The following CNOT7 variants were observed in gnomAD, a reference collection of about 807,000 sequenced individuals.
CNOT7 encodes BTG1-binding factor 1.
In CNOT7, 4 loss-of-function variants were observed where a neutral mutation model predicts 37.1. The observed-to-expected ratio is 0.11, with a 90% CI of 0.05 to 0.25. The LOEUF is 0.25. Among genes scored for constraint, CNOT7 ranks in the 10% least tolerant of loss-of-function variants. The pLI, the probability that CNOT7 is intolerant of heterozygous loss-of-function variation, is 1.00. For missense variants in CNOT7, 170 were observed against 336.2 expected (o/e 0.51, Z 3.87); for synonymous variants, 128 against 115.6 (o/e 1.11, Z -0.69).
chr8:17,234,619 A>T, intron 5 of CNOT7, 97 bp downstream of exon 5: 1 of 1,294,878 alleles, frequency 7.7e-7, no homozygotes, highest in Non-Finnish European at 1.1e-6. Flanking sequence ...GTAATACTTT[A>T]AAATATGGTT....
chr8:17,240,279 G>A (rs1328762185), intron 3 of CNOT7, among the ~76,000 whole-genome samples: 1 of 151,980 alleles, frequency 6.6e-6, no homozygotes, highest in Non-Finnish European at 1.5e-5. Context: ...GCAGCCAGTG[G>A]GCCACATGTG....
intron 5 of CNOT7, among the ~76,000 whole-genome samples, chr8:17,233,727 G>A (rs903473164): frequency 3.3e-5 from 5 of 152,122 alleles, no homozygotes; most frequent in Non-Finnish European, 2.9e-5. Flanking sequence ...AAATTACACA[G>A]AAGTCTACTG....
chr8:17,228,867 C>T lies in CNOT7; in HGVS notation c.*1853G>A, dbSNP rs1036578619. On this transcript the variant is annotated 3_prime_UTR_variant, in exon 7 of 7. Coordinates refer to ENST00000361272, the MANE Select transcript of CNOT7 (RefSeq NM_013354.7). ...AAATCACAAGCGAAAAGAAGCTTCACTTCCTTTTTAACGAAGACAAAAGAA... is the reference window on the plus strand; with the variant it reads ...AAATCACAAGCGAAAAGAAGCTTCATTTCCTTTTTAACGAAGACAAAAGAA... 2.6e-5 allele frequency: 4 copies of T among 151,978 alleles called. No homozygotes were observed. Among genetic ancestry groups the T allele is most frequent in the African/African-American group, 9.7e-5 (4 of 41,434 alleles). 9.4% of individuals were successfully genotyped at this position (151,978 alleles called of 1,614,324 possible).
rs189309248 is a variant in CNOT7, at chr8:17,226,531, C to T, written c.*4189G>A. 1 of 151,598 alleles carries T rather than the reference C, an allele frequency of 6.6e-6. No individual in the cohort carries two copies. The highest frequency in any genetic ancestry group is 1.9e-4 in the East Asian group (1 of 5,174). 9.4% of individuals were successfully genotyped at this position (151,598 alleles called of 1,614,324 possible). ...AGCATGTCATTCATTCAAGATGATT[C>T]ATTTCCAACAGAAGATTAAGAGGAA... On this transcript the variant is annotated 3_prime_UTR_variant, in exon 7 of 7. Transcript: ENST00000361272.
At chr8:17,241,009 C>T (rs1168456111) in intron 3 of CNOT7, among the ~76,000 whole-genome samples, 2 of 152,128 alleles carry the variant, frequency 1.3e-5, no homozygotes, top group African/African-American at 4.8e-5. Flanking sequence ...CAAAGCCATC[C>T]TGGGCCAAGG....
chr8:17,242,780 C>T (rs1423915902), intron 3 of CNOT7: 1 of 382,670 alleles, frequency 2.6e-6, no homozygotes, highest in Non-Finnish European at 4.6e-6. Context: ...AAGCTGCAGT[C>T]ATATTTTAAA....
intron 6 of CNOT7, among the ~76,000 whole-genome samples, chr8:17,231,162 A>AT (rs1484346093): frequency 6.6e-6 from 1 of 152,146 alleles, no homozygotes; most frequent in African/African-American, 2.4e-5. Context: ...ATACTCAAGA[A>AT]TGAAGAAAGC....
chr8:17,231,928 C>A, intron 6 of CNOT7: 1 of 986,964 alleles, frequency 1.0e-6, no homozygotes, highest in Non-Finnish European at 1.2e-6. Context: ...AGTAAAAGAG[C>A]CTGAGTTCTT....
At chr8:17,231,159 A>G (rs1808550359) in intron 6 of CNOT7, among the ~76,000 whole-genome samples, 2 of 152,144 alleles carry the variant, frequency 1.3e-5, no homozygotes. Flanking sequence ...ACAATACTCA[A>G]GAATGAAGAA....
intron 4 of CNOT7, 102 bp downstream of exon 4, chr8:17,237,110 T>C: frequency 8.6e-7 from 1 of 1,167,294 alleles, no homozygotes; most frequent in Non-Finnish European, 1.2e-6. Context: ...CAGTCAACTC[T>C]TTCCAGAATT....
intron 5 of CNOT7, among the ~76,000 whole-genome samples, chr8:17,233,040 G>T (rs1361285108): frequency 6.6e-6 from 1 of 152,066 alleles, no homozygotes; most frequent in Non-Finnish European, 1.5e-5. Flanking sequence ...TCTTAGTTAA[G>T]ACGAGTATAT....
At chr8:17,231,118 A>G (rs986239946) in intron 6 of CNOT7, among the ~76,000 whole-genome samples, 2 of 152,162 alleles carry the variant, frequency 1.3e-5, no homozygotes, top group Non-Finnish European at 2.9e-5. Flanking sequence ...AGAATTTTTC[A>G]TCATGGAAAA....
At chr8:17,240,882 C>T (rs1810066361) in intron 3 of CNOT7, among the ~76,000 whole-genome samples, 1 of 152,096 alleles carries the variant, frequency 6.6e-6, no homozygotes. Flanking sequence ...TTTTGGCTTC[C>T]TTGGGCCATA....
In CNOT7 at chr8:17,227,507, T is replaced by TATC. The variant is rs1359596265; in HGVS notation, c.*3210_*3212dup. 1 of 151,918 alleles carries TATC rather than the reference T, an allele frequency of 6.6e-6. No individual in the cohort carries two copies. Among genetic ancestry groups the TATC allele is most frequent in the Non-Finnish European group, 1.5e-5 (1 of 67,810 alleles). 9.4% of individuals were successfully genotyped at this position (151,918 alleles called of 1,614,324 possible). ...GGACACATGTCTTTGGGTTGGTTAC[T>TATC]ATCTTCAAGCACGATGTAATTCAGC... On this transcript the variant is annotated 3_prime_UTR_variant, in exon 7 of 7. Coordinates refer to ENST00000361272, the MANE Select transcript of CNOT7 (RefSeq NM_013354.7).
At chr8:17,242,589 A>T (rs999867359) in intron 3 of CNOT7, 3 of 155,412 alleles carry the variant, frequency 1.9e-5, no homozygotes, top group African/African-American at 7.2e-5. Flanking sequence ...GTCTTACTGC[A>T]TTTGACATGT....
Position 17,230,280 on chromosome 8 carries a change from CACT to C in CNOT7, c.*437_*439del, listed in dbSNP as rs1808451233. 6.5e-6 allele frequency: 1 copy of C among 152,676 alleles called. No individual in the cohort carries two copies. Among genetic ancestry groups the C allele is most frequent in the Non-Finnish European group, 1.5e-5 (1 of 68,110 alleles). 9.5% of individuals were successfully genotyped at this position (152,676 alleles called of 1,614,324 possible). A position where few individuals can be genotyped will look rare whatever the true frequency, so the allele number is the denominator to read the frequency against. On this transcript the variant is annotated 3_prime_UTR_variant, in exon 7 of 7. Coordinates refer to ENST00000361272, the MANE Select transcript of CNOT7 (RefSeq NM_013354.7). ...GATAAAACAGGTTTAGAGTCAGAAA[CACT>C]CTCTAAAGTGCAAAACTGATGGTCC... is the stretch of plus-strand genomic sequence containing the variant.
In CNOT7 at chr8:17,237,197, A is replaced by T. The variant is rs1809490288; in HGVS notation, c.473+15T>A. On this transcript the variant is annotated intron_variant, in intron 4 of 6. Coordinates refer to ENST00000361272, the MANE Select transcript of CNOT7 (RefSeq NM_013354.7). ...GATGGAAAAACAAATGCCATTTTCAATGTAGTCGTTTTACCTATGAAATGA... is the reference window on the plus strand; with the variant it reads ...GATGGAAAAACAAATGCCATTTTCATTGTAGTCGTTTTACCTATGAAATGA... 1 of 1,611,450 alleles carries T rather than the reference A, an allele frequency of 6.2e-7. No individual in the cohort carries two copies.
intron 3 of CNOT7, chr8:17,237,649 A>C (rs1172483740): frequency 3.4e-6 from 1 of 291,174 alleles, no homozygotes; most frequent in Non-Finnish European, 6.5e-6. Flanking sequence ...ATACTTAAAT[A>C]CATTTAACTG....
At chr8:17,245,616 T>C (rs1810862213) in intron 1 of CNOT7, among the ~76,000 whole-genome samples, 1 of 152,236 alleles carries the variant, frequency 6.6e-6, no homozygotes, top group South Asian at 2.1e-4. Context: ...CAAGATCAGA[T>C]GTTACCATGG....
Sources: gnomAD v4.1 joint callset for allele counts (sites outside exome capture counted in the v4.1 genomes callset) on GRCh38, gnomAD v4.1.1 for gene constraint, MANE v1.5 for transcripts, NCBI Gene and HGNC (gene_info 2026-07-23, HGNC 2026-07-21) for gene names.